Variants in PDE10A observed in about 807,000 individuals in gnomAD.
PDE10A encodes phosphodiesterase 10A.
In PDE10A, 39 loss-of-function variants were observed where a neutral mutation model predicts 97.7. That is an observed-to-expected ratio of 0.40 (90% confidence interval 0.31 to 0.52). PDE10A has a LOEUF of 0.52. Among genes scored for constraint, PDE10A ranks in the 20% least tolerant of loss-of-function variants. The probability of loss-of-function intolerance (pLI) is 0.56; values close to 1 mark genes in which losing one functional copy is unlikely to be tolerated. For synonymous variants in PDE10A, 371 were observed against 376.8 expected (o/e 0.98, Z 0.18); for missense variants, 731 against 1,047.8 (o/e 0.70, Z 4.17).
intron 1 of PDE10A, among the ~76,000 whole-genome samples, chr6:165,985,382 G>T (rs1785160427): frequency 6.6e-6 from 1 of 152,212 alleles, no homozygotes; most frequent in African/African-American, 2.4e-5. Flanking sequence ...AGTATCACTT[G>T]TGTTTCCACA....
chr6:165,943,694 G>A (rs1001259957), intron 1 of PDE10A, among the ~76,000 whole-genome samples: 1 of 152,204 alleles, frequency 6.6e-6, no homozygotes, highest in Non-Finnish European at 1.5e-5. Flanking sequence ...GTCAGGTGAT[G>A]CCTGCCATGT....
chr6:165,814,169 G>T (rs2128467801), intron 1 of PDE10A, among the ~76,000 whole-genome samples: 1 of 152,278 alleles, frequency 6.6e-6, no homozygotes, highest in East Asian at 1.9e-4. Flanking sequence ...GGGCCAGGAG[G>T]GTTCTGGATA....
chr6:165,647,473 A>G (rs1268664015), intron 1 of PDE10A, among the ~76,000 whole-genome samples: 1 of 152,228 alleles, frequency 6.6e-6, no homozygotes, highest in Non-Finnish European at 1.5e-5. Flanking sequence ...TGGGACTACA[A>G]TAGCCTTTCA....
At chr6:165,649,049 G>A (rs1483710249) in intron 1 of PDE10A, among the ~76,000 whole-genome samples, 1 of 152,190 alleles carries the variant, frequency 6.6e-6, no homozygotes, top group Non-Finnish European at 1.5e-5. Context: ...CCTGCAGAAA[G>A]AGAACTAGGT....
chr6:165,474,797 T>C (rs540183110), intron 3 of PDE10A, among the ~76,000 whole-genome samples: 160 of 152,278 alleles, frequency 1.1e-3, no homozygotes, highest in African/African-American at 3.8e-3. Flanking sequence ...GACATTACTA[T>C]TACAGAGAAG....
chr6:165,802,009 C>T (rs1460116665), intron 1 of PDE10A, among the ~76,000 whole-genome samples: 2 of 152,262 alleles, frequency 1.3e-5, no homozygotes, highest in Admixed American at 1.3e-4. Flanking sequence ...GAACTTCTGT[C>T]ATAAAGTGAG....
chr6:165,750,290 T>C (rs1792967315), intron 1 of PDE10A, among the ~76,000 whole-genome samples: 1 of 152,092 alleles, frequency 6.6e-6, no homozygotes, highest in Non-Finnish European at 1.5e-5. Context: ...ATCAAAGGGA[T>C]TCCAAATAAA....
chr6:165,865,118 G>A (rs930734932), intron 1 of PDE10A, among the ~76,000 whole-genome samples: 1 of 152,140 alleles, frequency 6.6e-6, no homozygotes, highest in African/African-American at 2.4e-5. Flanking sequence ...CCTGCCCCAA[G>A]CAAAGTCTCA....
intron 2 of PDE10A, among the ~76,000 whole-genome samples, chr6:165,524,373 T>C (rs894624603): frequency 1.3e-5 from 2 of 152,130 alleles, no homozygotes; most frequent in East Asian, 3.9e-4. Flanking sequence ...CGCTAAGGAT[T>C]CTACTTCTAA....
chr6:165,591,072 A>C (rs895164682), intron 1 of PDE10A, among the ~76,000 whole-genome samples: 1 of 152,190 alleles, frequency 6.6e-6, no homozygotes, highest in African/African-American at 2.4e-5. Flanking sequence ...TTGGATCATA[A>C]GAACAGCAAA....
chr6:165,643,679 C>T (rs1480503956), intron 1 of PDE10A, among the ~76,000 whole-genome samples: 5 of 152,148 alleles, frequency 3.3e-5, no homozygotes, highest in Admixed American at 6.5e-5. Flanking sequence ...CGGTGGTCAC[C>T]AGAGGCTGGG....
At chr6:165,718,386 A>C (rs1792080085) in intron 1 of PDE10A, 1 of 152,232 alleles carries the variant, frequency 6.6e-6, no homozygotes, top group Admixed American at 6.5e-5. Context: ...AGATGAAAAT[A>C]AATTTTGTTT....
intron 1 of PDE10A, among the ~76,000 whole-genome samples, chr6:165,901,469 C>G (rs1369585890): frequency 6.6e-6 from 1 of 152,194 alleles, no homozygotes; most frequent in African/African-American, 2.4e-5. Flanking sequence ...CTGCCTCCAC[C>G]TCCCCTGCCT....
intron 1 of PDE10A, among the ~76,000 whole-genome samples, chr6:165,824,975 A>G (rs1779686730): frequency 6.7e-6 from 1 of 148,618 alleles, no homozygotes; most frequent in Non-Finnish European, 1.5e-5. Flanking sequence ...TACTAAAAAA[A>G]AAAAAAAAAA....
At chr6:165,848,814 G>C (rs1368979090) in intron 1 of PDE10A, among the ~76,000 whole-genome samples, 2 of 152,150 alleles carry the variant, frequency 1.3e-5, no homozygotes, top group African/African-American at 4.8e-5. Flanking sequence ...GGGGAGGAAG[G>C]GTCAGCCTGC....
intron 1 of PDE10A, among the ~76,000 whole-genome samples, chr6:165,807,032 A>G: frequency 6.6e-6 from 1 of 152,162 alleles, no homozygotes. Flanking sequence ...CAAGTTCTCA[A>G]TCTTCATCAC....
intron 13 of PDE10A, among the ~76,000 whole-genome samples, chr6:165,408,699 G>A (rs185075625): frequency 2.0e-5 from 3 of 152,176 alleles, no homozygotes; most frequent in African/African-American, 4.8e-5. Context: ...TTGGAACAAA[G>A]TTTTGAAATA....
At chr6:165,719,604 C>G (rs1792115177) in intron 1 of PDE10A, among the ~76,000 whole-genome samples, 1 of 149,744 alleles carries the variant, frequency 6.7e-6, no homozygotes. Context: ...ACAGGAGGTT[C>G]CAGCACAATA....
intron 2 of PDE10A, among the ~76,000 whole-genome samples, chr6:165,489,539 G>T (rs510365): frequency 0.29 from 44,035 of 151,816 alleles, 6,754 homozygotes; most frequent in African/African-American, 0.39. Context: ...ACAAAACAAG[G>T]TTCTTTAACA....
Sources: gnomAD v4.1 joint callset for allele counts (sites outside exome capture counted in the v4.1 genomes callset) on GRCh38, gnomAD v4.1.1 for gene constraint, MANE v1.5 for transcripts, NCBI Gene and HGNC (gene_info 2026-07-23, HGNC 2026-07-21) for gene names.